Variants in ZNF558 observed in about 807,000 individuals in gnomAD.
ZNF558 encodes the protein zinc finger protein 558.
Under a neutral mutation model 37.6 loss-of-function variants are expected in ZNF558, and 23 were observed. That is an observed-to-expected ratio of 0.61 (90% CI 0.44 to 0.87). The LOEUF is 0.87. Ranked by LOEUF, ZNF558 falls within the 40% of genes least tolerant of loss-of-function variation. ZNF558 has a pLI of 0.00. For missense variants in ZNF558, 429 were observed against 483.7 expected (o/e 0.89, Z 1.06); for synonymous variants, 189 against 174.4 (o/e 1.08, Z -0.66).
chr19:8,833,624 T>C (rs776383796), upstream of ZNF558: 6 of 152,204 alleles, frequency 3.9e-5, no homozygotes, highest in East Asian at 1.2e-3. Flanking sequence ...GCATTTTAGT[T>C]GTGAGTTGGG....
At position 8,822,385 on chromosome 19, in the gene ZNF558, A is replaced by C. The variant is rs11665827; in HGVS notation, c.31+244T>G. Among the ~76,000 whole-genome samples, 22,099 of 152,120 alleles carry C rather than the reference A, an allele frequency of 0.15. 2,037 individuals carry two copies. Among genetic ancestry groups the C allele is most frequent in the East Asian group, 0.28 (1,426 of 5,162 alleles). Reference sequence around the variant, plus strand: ...GCGTCACTGTGTTTTTATCAGATTCACAGAAAGAACTAAAGGGAGAATTCA... The same window carrying C: ...GCGTCACTGTGTTTTTATCAGATTCCCAGAAAGAACTAAAGGGAGAATTCA... On this transcript the variant is annotated intron_variant, in intron 5 of 9. Transcript: ENST00000601372. The surrounding 1 kb of genome is among the most constrained non-coding windows in gnomAD (Gnocchi z 4.4).
At position 8,811,708 on chromosome 19, in the gene ZNF558, TCCC is replaced by T; in HGVS notation, c.779_781del (p.Gly260del). 6.2e-7 allele frequency: 1 copy of T among 1,614,098 alleles called. No homozygotes were observed. On this transcript the variant is annotated inframe_deletion, in exon 10 of 10. Coordinates refer to ENST00000601372, the MANE Select transcript of ZNF558 (RefSeq NM_144693.3). ...ACACTGATTACATTCATGGTGATTC[TCCC>T]CCGTGTGAATCCTCTTGTGGCTTTT... is the stretch of plus-strand genomic sequence containing the variant.
rs1368222316 is a variant in ZNF558, at chr19:8,822,842, C to CA, written c.-65-119dup. On this transcript the variant is annotated intron_variant, in intron 4 of 9. Coordinates refer to ENST00000601372, the MANE Select transcript of ZNF558 (RefSeq NM_144693.3). This position sits in a 1 kb window ranked among gnomAD's most constrained non-coding sequence, Gnocchi z 4.4. ...CTTCAAATGCAAGTTCCGGCTTCCA[C>CA]ACTGGGCCTTTATTTTGCTGAGCAG... 1.4e-5 allele frequency: 12 copies of CA among 881,996 alleles called. No individual in the cohort carries two copies. Among genetic ancestry groups the CA allele is most frequent in the Non-Finnish European group, 1.7e-5 (10 of 578,154 alleles). 54.6% of individuals were successfully genotyped at this position (881,996 alleles called of 1,614,324 possible).
intron 7 of ZNF558, among the ~76,000 whole-genome samples, chr19:8,814,946 A>G (rs1260831343): frequency 1.3e-5 from 2 of 152,238 alleles, no homozygotes; most frequent in African/African-American, 4.8e-5. Flanking sequence ...AACTAACTTT[A>G]GAACTGTTGT....
At chr19:8,830,532 T>C (rs931392775) in intron 2 of ZNF558, among the ~76,000 whole-genome samples, 12 of 152,220 alleles carry the variant, frequency 7.9e-5, no homozygotes, top group African/African-American at 2.9e-4. Context: ...TTGTTACTAA[T>C]AAATCATCCT....
At chr19:8,834,604 CA>C (rs34714268), upstream of ZNF558, among the ~76,000 whole-genome samples, 23,229 of 88,406 alleles carry the variant, frequency 0.26, 2,278 homozygotes, top group Admixed American at 0.38. Context: ...GAGACTCCAT[CA>C]AAAAAAAAAA....
At chr19:8,836,916 A>G (rs969070573), upstream of ZNF558, among the ~76,000 whole-genome samples, 8 of 152,244 alleles carry the variant, frequency 5.3e-5, no homozygotes, top group African/African-American at 1.9e-4. Flanking sequence ...TATTTTGGAT[A>G]AATAAGCAAA....
chr19:8,823,423 C>CCTCCTGCATCGGTCACCCCA (rs2044149924), intron 4 of ZNF558, among the ~76,000 whole-genome samples: 1 of 26,442 alleles, frequency 3.8e-5, no homozygotes, highest in Non-Finnish European at 7.3e-5. Context: ...AGTCAGCCCC[C>CCTCCTGCATCGGTCACCCCA]CTCCTGCCTC....
Position 8,806,313 on chromosome 19 carries a change from A to T in ZNF558, c.*4968T>A, listed in dbSNP as rs1429038022. 1 of 152,110 alleles carries T rather than the reference A, an allele frequency of 6.6e-6. No individual in the cohort carries two copies. Among genetic ancestry groups the T allele is most frequent in the Non-Finnish European group, 1.5e-5 (1 of 68,030 alleles). The allele number at this position is 152,110 out of a possible 1,614,324, so 9.4% of individuals were successfully genotyped here. The stretch of plus-strand genomic sequence containing the variant: ...TTGATCTTAATTCCTGGAATTATGT[A>T]TGTCTCTATGGAATCATTTTCCTGA... On this transcript the variant is annotated 3_prime_UTR_variant, in exon 10 of 10. Transcript: ENST00000601372.
rs1033891210 is a variant in ZNF558, at chr19:8,812,651, A to G, written c.344-8T>C. On this transcript the variant is annotated splice_polypyrimidine_tract_variant and splice_region_variant and intron_variant, in intron 8 of 9. Transcript: ENST00000601372. The stretch of plus-strand genomic sequence containing the variant: ...TAAGTAGAGTCTCCAAATCTGAAAC[A>G]AATTGAAAAGAAATTTAGGTTGATG... 9 of 1,574,832 alleles carry G rather than the reference A, an allele frequency of 5.7e-6. No homozygotes were observed. The highest frequency in any genetic ancestry group is 6.9e-6 in the Non-Finnish European group (8 of 1,162,722).
In ZNF558 at chr19:8,822,557, C is replaced by T; in HGVS notation, c.31+72G>A. ...GCCTCACCTGCTCTGCCCAACCCCG[C>T]TCGTGTCCCATGCTGTGGGTCAGAA... On this transcript the variant is annotated intron_variant, in intron 5 of 9. Coordinates refer to ENST00000601372, the MANE Select transcript of ZNF558 (RefSeq NM_144693.3). The surrounding 1 kb of genome is among the most constrained non-coding windows in gnomAD (Gnocchi z 4.4). 6.2e-7 allele frequency: 1 copy of T among 1,607,836 alleles called. No individual in the cohort carries two copies. Among genetic ancestry groups the T allele is most frequent in the Non-Finnish European group, 8.5e-7 (1 of 1,174,848 alleles).
chr19:8,814,969 T>C (rs782012434), intron 7 of ZNF558, among the ~76,000 whole-genome samples: 5 of 152,168 alleles, frequency 3.3e-5, no homozygotes, highest in Non-Finnish European at 7.4e-5. Context: ...GTTCTATAGA[T>C]ACAATACCAA....
At chr19:8,820,137 A>G (rs1233199023) in intron 7 of ZNF558, among the ~76,000 whole-genome samples, 3 of 152,216 alleles carry the variant, frequency 2.0e-5, no homozygotes, top group Non-Finnish European at 2.9e-5. Flanking sequence ...CAAAAAGGCA[A>G]GTGCTGGGAA....
At chr19:8,823,351 CG>C (rs2044143303) in intron 4 of ZNF558, among the ~76,000 whole-genome samples, 1 of 147,984 alleles carries the variant, frequency 6.8e-6, no homozygotes, top group African/African-American at 2.5e-5. Context: ...CCTCCTGCCT[CG>C]GTCACCCCCC....
intron 2 of ZNF558, among the ~76,000 whole-genome samples, chr19:8,828,645 C>T (rs2044283581): frequency 6.6e-6 from 1 of 152,194 alleles, no homozygotes; most frequent in Non-Finnish European, 1.5e-5. Context: ...TTCTGCTTTT[C>T]TGTAACTTAC....
At chr19:8,818,926 G>A (rs998193824) in intron 7 of ZNF558, among the ~76,000 whole-genome samples, 6 of 152,164 alleles carry the variant, frequency 3.9e-5, no homozygotes, top group Non-Finnish European at 2.9e-5. Context: ...GTCATTTGAT[G>A]GGGAAAGAAT....
Position 8,810,694 on chromosome 19 carries a change from T to C in ZNF558, c.*587A>G, listed in dbSNP as rs2043763127. 6.6e-6 allele frequency: 1 copy of C among 152,346 alleles called. No homozygotes were observed. The highest frequency in any genetic ancestry group is 6.5e-5 in the Admixed American group (1 of 15,286). 9.4% of individuals were successfully genotyped at this position (152,346 alleles called of 1,614,324 possible). ...AAATTTCCCAGATGCTTCTGAGTTA[T>C]CTGTTTCCTGGTATTCATACCTTCT... On this transcript the variant is annotated 3_prime_UTR_variant, in exon 10 of 10. Transcript: ENST00000601372.
Position 8,822,080 on chromosome 19 carries a change from G to A in ZNF558, c.43C>T (p.Leu15=). The A allele has an allele frequency of 2.5e-6, 4 of 1,614,092 alleles. No homozygotes were observed. Among genetic ancestry groups the A allele is most frequent in the Non-Finnish European group, 3.4e-6 (4 of 1,179,970 alleles). The change falls in exon 6 of 10, where the codon CTG becomes TTG. Residue 15 remains leucine (L), a synonymous_variant. Transcript: ENST00000601372. The surrounding 1 kb of genome is among the most constrained non-coding windows in gnomAD (Gnocchi z 4.4). ...ILPSTAAPSS[L]FPASQQKGHT... ...CCTTTTTGCTGAGAGGCTGGGAACA[G>A]GGAAGACGGAGCTGGAGGAGGAGAA...
intron 3 of ZNF558, among the ~76,000 whole-genome samples, chr19:8,824,674 G>C (rs1300598543): frequency 1.3e-5 from 2 of 152,096 alleles, no homozygotes; most frequent in Non-Finnish European, 2.9e-5. Context: ...AGGGCTTGCT[G>C]GGCAGTTCTG....
Sources: allele counts gnomAD v4.1 joint callset (sites outside exome capture counted in the v4.1 genomes callset), GRCh38; gene constraint gnomAD v4.1.1; non-coding constraint Gnocchi (gnomAD v3.1); transcripts MANE v1.5; gene names NCBI Gene and HGNC (gene_info 2026-07-23, HGNC 2026-07-21).